Variants in TMX1 observed in about 807,000 individuals in gnomAD.
TMX1 encodes the protein thioredoxin-related transmembrane protein 1.
TMX1 carries 25 observed loss-of-function variants against 36.6 expected under a neutral mutation model. The observed-to-expected ratio is 0.68, with a 90% CI of 0.50 to 0.95. The LOEUF (loss-of-function observed/expected upper bound fraction) is 0.95, where lower values mean the gene tolerates loss of function less well. TMX1 is among the 40% of genes least tolerant of loss of function. The pLI is 0.00. For missense variants in TMX1, 347 were observed against 339.6 expected (o/e 1.02, Z -0.17); for synonymous variants, 133 against 118.0 (o/e 1.13, Z -0.82).
At chr14:51,245,731 C>T in intron 3 of TMX1, 1 of 327,194 alleles carries the variant, frequency 3.1e-6, no homozygotes, top group Non-Finnish European at 5.9e-6. Context: ...TTAAATGAAA[C>T]CTTGGAAGTA....
In TMX1 at chr14:51,257,611, C is replaced by T. The variant is rs1460116861; in HGVS notation, c.*3092C>T. The T allele has an allele frequency of 1.3e-5, 2 of 152,106 alleles. No individual in the cohort carries two copies. The highest frequency in any genetic ancestry group is 6.6e-5 in the Admixed American group (1 of 15,266). 9.4% of individuals were successfully genotyped at this position (152,106 alleles called of 1,614,324 possible). Reference sequence around the variant, plus strand: ...TTTTGTATTTGTGAAACCATTAAAACTAGAGTAACAATAAATTTAAGTTGG... The same window carrying T: ...TTTTGTATTTGTGAAACCATTAAAATTAGAGTAACAATAAATTTAAGTTGG... On this transcript the variant is annotated 3_prime_UTR_variant, in exon 8 of 8. Coordinates refer to ENST00000457354, the MANE Select transcript of TMX1 (RefSeq NM_030755.5).
Position 51,249,470 on chromosome 14 carries a change from T to C in TMX1, c.492T>C (p.Thr164=), listed in dbSNP as rs7161242. ...ALFQLSMWIR[T]CHNYFIEDLG... ...TTTTTTTTTTCTTTTGATTTTAGAC[T>C]TGCCATAACTACTTTATTGAAGACC... The change falls in exon 6 of 8, where the codon ACT becomes ACC. Residue 164 remains threonine (T), a splice_region_variant and synonymous_variant. Coordinates refer to ENST00000457354, the MANE Select transcript of TMX1 (RefSeq NM_030755.5). 1 of 1,596,804 alleles carries C rather than the reference T, an allele frequency of 6.3e-7. No homozygotes were observed. The highest frequency in any genetic ancestry group is 1.2e-5 in the South Asian group (1 of 86,392).
chr14:51,257,524 A>C lies in TMX1; in HGVS notation c.*3005A>C, dbSNP rs575048024. 6.6e-6 allele frequency: 1 copy of C among 152,316 alleles called. No homozygotes were observed. Among genetic ancestry groups the C allele is most frequent in the South Asian group, 2.1e-4 (1 of 4,826 alleles). 9.4% of individuals were successfully genotyped at this position (152,316 alleles called of 1,614,324 possible). A position where few individuals can be genotyped will look rare whatever the true frequency, so the allele number is the denominator to read the frequency against. On this transcript the variant is annotated 3_prime_UTR_variant, in exon 8 of 8. Transcript: ENST00000457354. ...GTTTTGCTGAGTGTATGAGTCTATAAATAAAATTTTAATTGAACATCATTG... is the reference window on the plus strand; with the variant it reads ...GTTTTGCTGAGTGTATGAGTCTATACATAAAATTTTAATTGAACATCATTG...
intron 1 of TMX1, among the ~76,000 whole-genome samples, chr14:51,241,491 C>G (rs1370899150): frequency 6.6e-6 from 1 of 152,018 alleles, no homozygotes; most frequent in African/African-American, 2.4e-5. Flanking sequence ...CTTTAGTTAA[C>G]CTATGCAGAT....
At chr14:51,251,612 C>T (rs953216514) in intron 7 of TMX1, among the ~76,000 whole-genome samples, 9 of 152,168 alleles carry the variant, frequency 5.9e-5, no homozygotes, top group Non-Finnish European at 8.8e-5. Context: ...GTTGCCAGGT[C>T]GTCCTCCTGT....
At chr14:51,247,852 C>T (rs546856875) in intron 4 of TMX1, among the ~76,000 whole-genome samples, 102 of 152,250 alleles carry the variant, frequency 6.7e-4, no homozygotes, top group African/African-American at 2.4e-3. Context: ...AGCTATCACT[C>T]GAGTGTAATA....
chr14:51,256,968 T>A lies in TMX1; in HGVS notation c.*2449T>A, dbSNP rs1368774761. On this transcript the variant is annotated 3_prime_UTR_variant, in exon 8 of 8. Transcript: ENST00000457354. ...CTCTTATTTTGGTCTTTTTTTTTTT[T>A]TTGAGACAGAGTTTCACTCTTGTTG... 6.6e-6 allele frequency: 1 copy of A among 152,022 alleles called. No individual in the cohort carries two copies. The highest frequency in any genetic ancestry group is 1.5e-5 in the Non-Finnish European group (1 of 68,014). 9.4% of individuals were successfully genotyped at this position (152,022 alleles called of 1,614,324 possible).
chr14:51,247,523 A>T (rs2065791830), intron 4 of TMX1, among the ~76,000 whole-genome samples: 1 of 151,696 alleles, frequency 6.6e-6, no homozygotes, highest in Non-Finnish European at 1.5e-5. Flanking sequence ...CACGTGGCTA[A>T]TTTTTTTGTA....
chr14:51,240,401 G>C lies in TMX1; in HGVS notation c.109G>C (p.Glu37Gln). Residue 37 changes from glutamate (E) to glutamine (Q), a missense_variant, in exon 1 of 8, where the codon GAG becomes CAG. Transcript: ENST00000457354. ...RRSNVRVITDENWRELLEGDW... is the reference protein window; with the variant it reads ...RRSNVRVITDQNWRELLEGDW... ...GAGCAACGTTCGCGTCATCACGGAC[G>C]AGAACTGGAGAGAACTGCTGGAAGG... is the stretch of plus-strand genomic sequence containing the variant. The C allele has an allele frequency of 6.2e-7, 1 of 1,614,024 alleles. No individual in the cohort carries two copies. The highest frequency in any genetic ancestry group is 8.5e-7 in the Non-Finnish European group (1 of 1,180,014).
chr14:51,249,297 A>C, intron 4 of TMX1, 29 bp from the exon 5 acceptor site: 1 of 1,566,874 alleles, frequency 6.4e-7, no homozygotes, highest in Non-Finnish European at 8.6e-7. Flanking sequence ...TATGTTACTC[A>C]GTTTTTTAAT....
rs1183351523 is a variant in TMX1, at chr14:51,240,298, G to A, written c.6G>A (p.Ala2=). M[A]PSGSLAVPLA... is the part of the protein sequence containing the mutation. ...TGAGGTGGGCAAGCGGCGAAATGGC[G>A]CCCTCCGGGAGTCTTGCAGTTCCCC... The change falls in exon 1 of 8, where the codon GCG becomes GCA. Residue 2 remains alanine (A), a synonymous_variant. Coordinates refer to ENST00000457354, the MANE Select transcript of TMX1 (RefSeq NM_030755.5). 1 of 1,610,576 alleles carries A rather than the reference G, an allele frequency of 6.2e-7. No individual in the cohort carries two copies. The highest frequency in any genetic ancestry group is 8.5e-7 in the Non-Finnish European group (1 of 1,179,516).
At chr14:51,254,023 C>T (rs1287111950) in intron 7 of TMX1, 1 of 178,122 alleles carries the variant, frequency 5.6e-6, no homozygotes, top group Non-Finnish European at 1.2e-5. Flanking sequence ...TTGGACCAAC[C>T]AGTTTTTTTT....
rs1419737167 is a variant in TMX1 at position 51,255,390 on chromosome 14, ATTGT to A, written c.*874_*877del. 7.9e-5 allele frequency: 9 copies of A among 113,658 alleles called. No individual in the cohort carries two copies. The South Asian group carries it at 2.3e-3, about 28-fold the overall frequency. 7.0% of individuals were successfully genotyped at this position (113,658 alleles called of 1,614,324 possible). A position where few individuals can be genotyped will look rare whatever the true frequency, so the allele number is the denominator to read the frequency against. On this transcript the variant is annotated 3_prime_UTR_variant, in exon 8 of 8. Transcript: ENST00000457354. ...CATTCTTGCTGAACTTCAACTTGAA[ATTGT>A]TTTTTTTTTTTTTTCTTTTTGGATG...
intron 4 of TMX1, 51 bp from the exon 5 acceptor site, chr14:51,249,275 G>GT (rs926935897): frequency 8.2e-6 from 12 of 1,470,430 alleles, no homozygotes; most frequent in Non-Finnish European, 1.0e-5. Flanking sequence ...AGTATGTATA[G>GT]ACAAATCTGT....
Position 51,247,235 on chromosome 14 carries a change from T to C in TMX1, c.443+15T>C, listed in dbSNP as rs1359762316. The C allele has an allele frequency of 9.4e-6, 15 of 1,600,598 alleles. No homozygotes were observed. The highest frequency in any genetic ancestry group is 1.3e-5 in the Non-Finnish European group (15 of 1,175,646). On this transcript the variant is annotated intron_variant, in intron 4 of 7. Transcript: ENST00000457354. ...GGTTCTGTTCTGTAAGTATGAGGGC[T>C]TTTTCTCTTACCCATTTCATAATTA... is the stretch of plus-strand genomic sequence containing the variant.
intron 4 of TMX1, among the ~76,000 whole-genome samples, chr14:51,247,860 A>G (rs992184148): frequency 5.3e-5 from 8 of 152,224 alleles, no homozygotes; most frequent in African/African-American, 1.9e-4. Context: ...CTCGAGTGTA[A>G]TAATTTGAAT....
At chr14:51,247,405 G>A (rs1037872214) in intron 4 of TMX1, among the ~76,000 whole-genome samples, 185 bp downstream of exon 4, 7 of 133,422 alleles carry the variant, frequency 5.2e-5, no homozygotes, top group African/African-American at 2.0e-4. Context: ...CGCCCAGGCT[G>A]GAGTGCAGTG....
At position 51,254,604 on chromosome 14, in the gene TMX1, T is replaced by G; in HGVS notation, c.*85T>G. On this transcript the variant is annotated 3_prime_UTR_variant, in exon 8 of 8. Coordinates refer to ENST00000457354, the MANE Select transcript of TMX1 (RefSeq NM_030755.5). ...TGTTTGGTTTGAAGTGAACTGTGAC[T>G]TTTTTGAATATTGCAGGGTTCAGTC... is the stretch of plus-strand genomic sequence containing the variant. The G allele has an allele frequency of 8.0e-7, 1 of 1,257,408 alleles. No homozygotes were observed. The highest frequency in any genetic ancestry group is 1.1e-6 in the Non-Finnish European group (1 of 908,346). The allele number at this position is 1,257,408 out of a possible 1,614,324, so 77.9% of individuals were successfully genotyped here.
intron 1 of TMX1, among the ~76,000 whole-genome samples, chr14:51,243,458 A>G (rs937820535): frequency 1.3e-5 from 2 of 152,238 alleles, no homozygotes; most frequent in Non-Finnish European, 2.9e-5. Flanking sequence ...ACCACAGCCC[A>G]GGACACTTCT....
Sources: gnomAD v4.1 joint callset for allele counts (sites outside exome capture counted in the v4.1 genomes callset) on GRCh38, gnomAD v4.1.1 for gene constraint, MANE v1.5 for transcripts, NCBI Gene and HGNC (gene_info 2026-07-23, HGNC 2026-07-21) for gene names.